The following MCTP1 variants were observed in gnomAD, a reference collection of about 807,000 sequenced individuals.
The protein encoded by MCTP1 is multiple C2 and transmembrane domain-containing protein 1.
In MCTP1, 69 loss-of-function variants were observed where a neutral mutation model predicts 120.6. That is an observed-to-expected ratio of 0.57 (90% CI 0.47 to 0.70). The LOEUF (loss-of-function observed/expected upper bound fraction) is 0.70. Among genes scored for constraint, MCTP1 ranks in the 30% least tolerant of loss-of-function variants. MCTP1 has a pLI of 0.00. For missense variants in MCTP1, 1,203 were observed against 1,248.8 expected (o/e 0.96, Z 0.55); for synonymous variants, 529 against 493.1 (o/e 1.07, Z -0.96).
intron 2 of MCTP1, among the ~76,000 whole-genome samples, chr5:95,015,642 T>C (rs11957045): frequency 0.018 from 2,789 of 152,280 alleles, 83 homozygotes; most frequent in African/African-American, 0.065. Context: ...GATACTCTTT[T>C]GTACTTCGCT....
intron 19 of MCTP1, among the ~76,000 whole-genome samples, chr5:94,764,064 G>T (rs1771972592): frequency 6.6e-6 from 1 of 152,044 alleles, no homozygotes; most frequent in Admixed American, 6.5e-5. Flanking sequence ...TTTATTCCAG[G>T]ACTCAGGCTA....
Position 94,922,953 on chromosome 5 carries a change from A to G in MCTP1, c.1272+1009T>C, listed in dbSNP as rs186714983. 2.0e-5 allele frequency among the ~76,000 whole-genome samples: 3 copies of G among 151,296 alleles called. No individual in the cohort carries two copies. The East Asian group carries it at 5.8e-4, about 29-fold the overall frequency. ...GAAGGCAGCCAAACAGTAGAAATGA[A>G]AAGGGTATAATTACTAAAATAAGCT... On this transcript the variant is annotated intron_variant, in intron 7 of 22. Coordinates refer to ENST00000515393, the MANE Select transcript of MCTP1 (RefSeq NM_024717.7).
intron 19 of MCTP1, among the ~76,000 whole-genome samples, chr5:94,738,876 A>G (rs937184730): frequency 1.3e-5 from 2 of 152,226 alleles, no homozygotes; most frequent in African/African-American, 4.8e-5. Flanking sequence ...GTCCACCAAT[A>G]CAGCATTTCA....
At chr5:95,202,063 T>C (rs1751122369) in intron 1 of MCTP1, among the ~76,000 whole-genome samples, 1 of 152,112 alleles carries the variant, frequency 6.6e-6, no homozygotes, top group African/African-American at 2.4e-5. Context: ...TCTGTGAAGG[T>C]GGTTCTAGAG....
chr5:95,242,047 G>A (rs1366502297), intron 1 of MCTP1, among the ~76,000 whole-genome samples: 2 of 152,150 alleles, frequency 1.3e-5, no homozygotes, highest in Non-Finnish European at 2.9e-5. Flanking sequence ...GAGAAAAAAA[G>A]TCCTCAGAGA....
intron 19 of MCTP1, among the ~76,000 whole-genome samples, chr5:94,774,500 C>T (rs1454762989): frequency 6.6e-6 from 1 of 152,124 alleles, no homozygotes; most frequent in African/African-American, 2.4e-5. Flanking sequence ...GACCTCAGTC[C>T]TCCAACTATA....
chr5:94,903,563 C>A (rs948641761), intron 10 of MCTP1, among the ~76,000 whole-genome samples: 2 of 152,058 alleles, frequency 1.3e-5, no homozygotes, highest in African/African-American at 4.8e-5. Flanking sequence ...CCAGAACTTA[C>A]CAATTCAGAA....
chr5:94,743,917 G>A (rs1050005267), intron 19 of MCTP1, among the ~76,000 whole-genome samples: 1 of 151,954 alleles, frequency 6.6e-6, no homozygotes, highest in Admixed American at 6.6e-5. Flanking sequence ...AGGATTACAG[G>A]TGTGAGCCAC....
At chr5:94,736,732 G>C (rs1307813977) in intron 19 of MCTP1, among the ~76,000 whole-genome samples, 4 of 152,098 alleles carry the variant, frequency 2.6e-5, no homozygotes, top group Non-Finnish European at 5.9e-5. Flanking sequence ...ATCTCTGTGT[G>C]AACTCCTTCT....
intron 1 of MCTP1, among the ~76,000 whole-genome samples, chr5:95,131,285 A>G (rs1380026873): frequency 6.6e-6 from 1 of 152,204 alleles, no homozygotes; most frequent in African/African-American, 2.4e-5. Flanking sequence ...AGAAACATCA[A>G]GGCTGAGCAT....
intron 19 of MCTP1, among the ~76,000 whole-genome samples, chr5:94,741,120 A>C (rs766777918): frequency 4.6e-5 from 7 of 152,162 alleles, no homozygotes; most frequent in Non-Finnish European, 1.0e-4. Flanking sequence ...AATGTTCACT[A>C]TTCATCTGCA....
At chr5:95,147,190 C>G (rs1275723395) in intron 1 of MCTP1, among the ~76,000 whole-genome samples, 1 of 151,954 alleles carries the variant, frequency 6.6e-6, no homozygotes, top group Non-Finnish European at 1.5e-5. Context: ...GGGTTCATGC[C>G]ATTCTCCTTC....
chr5:95,256,964 A>G (rs865969872), intron 1 of MCTP1, among the ~76,000 whole-genome samples: 1 of 152,230 alleles, frequency 6.6e-6, no homozygotes, highest in Non-Finnish European at 1.5e-5. Context: ...GTAGTGACAG[A>G]GTTTTTCTGA....
At chr5:94,708,440 G>C in intron 22 of MCTP1, 72 bp downstream of exon 22, 1 of 883,196 alleles carries the variant, frequency 1.1e-6, no homozygotes, top group Non-Finnish European at 1.8e-6. Flanking sequence ...GAAATTAGAA[G>C]GATATAAAAG....
chr5:95,117,869 T>C (rs1186081895), intron 1 of MCTP1, among the ~76,000 whole-genome samples: 1 of 152,156 alleles, frequency 6.6e-6, no homozygotes, highest in Non-Finnish European at 1.5e-5. Flanking sequence ...TGCAGGGACA[T>C]GCATGGAGCT....
chr5:94,875,967 T>C (rs550600955), intron 12 of MCTP1, among the ~76,000 whole-genome samples: 68 of 152,280 alleles, frequency 4.5e-4, no homozygotes, highest in African/African-American at 1.5e-3. Context: ...GTTTGACTTA[T>C]TTAGGAAGTA....
At chr5:94,903,496 G>A (rs1806042029) in intron 10 of MCTP1, among the ~76,000 whole-genome samples, 1 of 152,226 alleles carries the variant, frequency 6.6e-6, no homozygotes. Flanking sequence ...TTCAGCATTA[G>A]AGAGAGCCAT....
chr5:94,769,530 A>G (rs1037676753), intron 19 of MCTP1, among the ~76,000 whole-genome samples: 2 of 152,202 alleles, frequency 1.3e-5, no homozygotes, highest in Non-Finnish European at 2.9e-5. Context: ...TGAGGTTTTC[A>G]TATCTATTAT....
chr5:94,837,761 G>A (rs536996079), intron 17 of MCTP1, among the ~76,000 whole-genome samples: 9 of 152,264 alleles, frequency 5.9e-5, no homozygotes, highest in East Asian at 1.9e-4. Context: ...AGACGGGGGC[G>A]CTGGTTAATT....
Sources: allele counts gnomAD v4.1 joint callset (sites outside exome capture counted in the v4.1 genomes callset), GRCh38; gene constraint gnomAD v4.1.1; transcripts MANE v1.5; gene names NCBI Gene and HGNC (gene_info 2026-07-23, HGNC 2026-07-21).